The following NCKAP1 variants were observed in gnomAD, a reference collection of about 807,000 sequenced individuals.
NCKAP1 encodes NCK associated protein 1.
A neutral mutation model predicts 151.2 loss-of-function variants in NCKAP1; 21 were observed. That is an observed-to-expected ratio of 0.14 (90% confidence interval 0.10 to 0.20). The LOEUF (loss-of-function observed/expected upper bound fraction) is 0.20. Among genes scored for constraint, NCKAP1 ranks in the 10% least tolerant of loss-of-function variants. The pLI is 1.00. For missense variants in NCKAP1, 933 were observed against 1,352.1 expected (o/e 0.69, Z 4.86); for synonymous variants, 484 against 451.8 (o/e 1.07, Z -0.90).
intron 1 of NCKAP1, among the ~76,000 whole-genome samples, chr2:183,025,158 A>C (rs910349542): frequency 7.9e-5 from 12 of 152,218 alleles, no homozygotes; most frequent in Non-Finnish European, 4.4e-5. Context: ...CTAAGTAGCG[A>C]GTTTTAGTAT....
At chr2:183,013,148 T>A (rs1270347042) in intron 2 of NCKAP1, among the ~76,000 whole-genome samples, 1 of 152,110 alleles carries the variant, frequency 6.6e-6, no homozygotes, top group African/African-American at 2.4e-5. Context: ...TAGATGATTA[T>A]TCCATTCCTT....
intron 14 of NCKAP1, 123 bp downstream of exon 14, chr2:182,978,711 G>T (rs971296772): frequency 2.1e-6 from 1 of 484,168 alleles, no homozygotes; most frequent in Non-Finnish European, 3.5e-6. Context: ...TTGCTTCAGA[G>T]AACAAAATTA....
intron 12 of NCKAP1, among the ~76,000 whole-genome samples, chr2:182,982,257 T>C (rs1697956195): frequency 6.6e-6 from 1 of 152,172 alleles, no homozygotes; most frequent in Admixed American, 6.5e-5. Flanking sequence ...AGCCCTAATT[T>C]AAAACTAAAT....
At chr2:182,985,672 G>A (rs903986105) in intron 10 of NCKAP1, among the ~76,000 whole-genome samples, 2 of 151,740 alleles carry the variant, frequency 1.3e-5, no homozygotes, top group East Asian at 1.9e-4. Context: ...AATGTACGGC[G>A]GGTGCCTGTA....
At chr2:182,942,764 G>C (rs1697023554) in intron 23 of NCKAP1, among the ~76,000 whole-genome samples, 1 of 152,048 alleles carries the variant, frequency 6.6e-6, no homozygotes, top group African/African-American at 2.4e-5. Flanking sequence ...AGGGAAGGGT[G>C]TGAAGGATAA....
Position 182,922,437 on chromosome 2 carries a change from A to G in NCKAP1, c.*3265T>C, listed in dbSNP as rs2105792164. ...ACATGATCAGAAGAGAAAAAGAGCT[A>G]GATAGCCCATAAGGCTCCTAGAGGG... On this transcript the variant is annotated 3_prime_UTR_variant, in exon 31 of 31. Coordinates refer to ENST00000361354, the MANE Select transcript of NCKAP1 (RefSeq NM_013436.5). 1.3e-5 allele frequency: 2 copies of G among 152,380 alleles called. No individual in the cohort carries two copies. The highest frequency in any genetic ancestry group is 1.3e-4 in the Admixed American group (2 of 15,306). 9.4% of individuals were successfully genotyped at this position (152,380 alleles called of 1,614,324 possible). A position where few individuals can be genotyped will look rare whatever the true frequency, so the allele number is the denominator to read the frequency against.
chr2:182,951,068 G>A lies in NCKAP1; in HGVS notation c.2601+1337C>T, dbSNP rs1356096922. On this transcript the variant is annotated intron_variant, in intron 23 of 30. Coordinates refer to ENST00000361354, the MANE Select transcript of NCKAP1 (RefSeq NM_013436.5). The stretch of plus-strand genomic sequence containing the variant: ...GGCTGGTCTTGAACTCCTAACTTCA[G>A]GCAATCCCCCACCTCGGCCTCCCAA... 2.0e-5 allele frequency among the ~76,000 whole-genome samples: 3 copies of A among 151,790 alleles called. No homozygotes were observed. In the East Asian group the frequency reaches 5.9e-4, roughly 30 times the overall value.
chr2:182,939,078 G>GA (rs1366626840), intron 24 of NCKAP1, among the ~76,000 whole-genome samples: 1 of 152,054 alleles, frequency 6.6e-6, no homozygotes, highest in Non-Finnish European at 1.5e-5. Flanking sequence ...ATGAGTTTTC[G>GA]AAAGAAAAAA....
intron 13 of NCKAP1, among the ~76,000 whole-genome samples, chr2:182,980,116 A>G (rs1697907445): frequency 6.6e-6 from 1 of 152,100 alleles, no homozygotes; most frequent in Non-Finnish European, 1.5e-5. Context: ...ACAGTAACAA[A>G]AGCTTCTGGC....
rs1426678131 is a variant in NCKAP1 at position 182,922,236 on chromosome 2, T to G, written c.*3466A>C. 6.6e-6 allele frequency: 1 copy of G among 152,224 alleles called. No individual in the cohort carries two copies. The highest frequency in any genetic ancestry group is 2.4e-5 in the African/African-American group (1 of 41,464). The allele number at this position is 152,224 out of a possible 1,614,324, so 9.4% of individuals were successfully genotyped here. On this transcript the variant is annotated 3_prime_UTR_variant, in exon 31 of 31. Transcript: ENST00000361354. ...TACTAATCAGTAGGTTACAATTCACTACCTTACAGAATTTGGGCTTCATTT... is the reference window on the plus strand; with the variant it reads ...TACTAATCAGTAGGTTACAATTCACGACCTTACAGAATTTGGGCTTCATTT...
At chr2:183,002,071 G>T in intron 5 of NCKAP1, 28 bp from the exon 6 acceptor site, 1 of 1,612,164 alleles carries the variant, frequency 6.2e-7, no homozygotes. Context: ...AAATTTCAAT[G>T]AGTTGTAATC....
At chr2:182,927,666 T>C (rs940123706) in intron 29 of NCKAP1, among the ~76,000 whole-genome samples, 1 of 152,064 alleles carries the variant, frequency 6.6e-6, no homozygotes, top group Non-Finnish European at 1.5e-5. Flanking sequence ...TCACCATTAA[T>C]TGTCTTTCTC....
rs138227871 is a variant in NCKAP1 at position 183,007,550 on chromosome 2, G to A, written c.220-4225C>T. Among the ~76,000 whole-genome samples, 330 of 152,206 alleles carry A rather than the reference G, an allele frequency of 2.2e-3. 2 individuals carry two copies. Among genetic ancestry groups the A allele is most frequent in the African/African-American group, 7.7e-3 (320 of 41,540 alleles). On this transcript the variant is annotated intron_variant, in intron 2 of 30. Transcript: ENST00000361354. ...ACGAGCTAAACCACTGAATACAAAGGAACGTGGGTAGTTTTTATTCACTCA... is the reference window on the plus strand; with the variant it reads ...ACGAGCTAAACCACTGAATACAAAGAAACGTGGGTAGTTTTTATTCACTCA...
intron 6 of NCKAP1, among the ~76,000 whole-genome samples, chr2:183,001,517 T>A (rs192495006): frequency 6.7e-4 from 102 of 152,336 alleles, no homozygotes; most frequent in African/African-American, 2.3e-3. Context: ...AATGAAGTAA[T>A]TCATTTAATT....
chr2:182,992,364 A>G (rs756719720), intron 8 of NCKAP1, among the ~76,000 whole-genome samples: 4 of 152,174 alleles, frequency 2.6e-5, no homozygotes, highest in Non-Finnish European at 1.5e-5. Context: ...CTCCATGCCC[A>G]TATATTCCCC....
intron 2 of NCKAP1, among the ~76,000 whole-genome samples, chr2:183,004,503 A>C (rs937756499): frequency 3.3e-5 from 5 of 151,620 alleles, no homozygotes; most frequent in Non-Finnish European, 7.4e-5. Flanking sequence ...AAAAAAAAAA[A>C]AAAACAGCAA....
At chr2:182,939,196 A>G (rs952645275) in intron 24 of NCKAP1, among the ~76,000 whole-genome samples, 2 of 152,194 alleles carry the variant, frequency 1.3e-5, no homozygotes, top group Non-Finnish European at 2.9e-5. Context: ...AATATTAAAC[A>G]GACATAAGGA....
chr2:182,927,139 T>C (rs1344612441), intron 29 of NCKAP1: 1 of 362,224 alleles, frequency 2.8e-6, no homozygotes, highest in Non-Finnish European at 4.9e-6. Context: ...CTTATTGGTC[T>C]TTAAAACTGA....
At chr2:182,937,600 A>G (rs1696904449) in intron 24 of NCKAP1, among the ~76,000 whole-genome samples, 1 of 152,178 alleles carries the variant, frequency 6.6e-6, no homozygotes, top group Non-Finnish European at 1.5e-5. Context: ...TCAAAATATA[A>G]AGAGTTATAC....
Sources: allele counts gnomAD v4.1 joint callset (sites outside exome capture counted in the v4.1 genomes callset), GRCh38; gene constraint gnomAD v4.1.1; transcripts MANE v1.5; gene names NCBI Gene and HGNC (gene_info 2026-07-23, HGNC 2026-07-21).